PTPN5: variants seen among roughly 807,000 people sequenced by gnomAD.
PTPN5 encodes protein tyrosine phosphatase non-receptor type 5.
PTPN5 carries 29 observed loss-of-function variants against 73.9 expected under a neutral mutation model. The observed-to-expected ratio is 0.39, with a 90% confidence interval of 0.29 to 0.54. PTPN5 has a LOEUF of 0.54. Ranked by LOEUF, PTPN5 falls within the 20% of genes least tolerant of loss-of-function variation. The probability of loss-of-function intolerance (pLI) is 0.65; values close to 1 mark genes in which losing one functional copy is unlikely to be tolerated. For missense variants in PTPN5, 652 were observed against 751.4 expected, an observed-to-expected ratio of 0.87 and a Z score of 1.55; for synonymous variants, 267 against 304.7, an observed-to-expected ratio of 0.88 and a Z score of 1.29.
At position 18,742,878 on chromosome 11, in the gene PTPN5, C is replaced by T. The variant is rs1459472377; in HGVS notation, c.483+114G>A. On this transcript the variant is annotated intron_variant, in intron 6 of 14. Coordinates refer to ENST00000358540, the MANE Select transcript of PTPN5 (RefSeq NM_006906.2). This position sits in a 1 kb window ranked among gnomAD's most constrained non-coding sequence, Gnocchi z 4.1. ...ACACTTGTGCAAAGAGATAGGTATC[C>T]CTCCTTGCCCCACCCAGAATGTCCA... 1.3e-6 allele frequency: 1 copy of T among 755,896 alleles called. No individual in the cohort carries two copies. The highest frequency in any genetic ancestry group is 2.2e-6 in the Non-Finnish European group (1 of 449,876). 46.8% of individuals were successfully genotyped at this position (755,896 alleles called of 1,614,324 possible). A position where few individuals can be genotyped will look rare whatever the true frequency, so the allele number is the denominator to read the frequency against.
intron 2 of PTPN5, among the ~76,000 whole-genome samples, chr11:18,771,623 A>C (rs1396078742): frequency 6.6e-6 from 1 of 152,198 alleles, no homozygotes; most frequent in African/African-American, 2.4e-5. Flanking sequence ...TGTACACCTT[A>C]AAGGCCAAAT....
chr11:18,748,992 C>T (rs1029061194), intron 3 of PTPN5, among the ~76,000 whole-genome samples: 2 of 152,156 alleles, frequency 1.3e-5, no homozygotes, highest in African/African-American at 4.8e-5. Context: ...CCTTTCCCTG[C>T]CCTCTCCTTT....
At chr11:18,737,506 CA>C (rs112202269) in intron 9 of PTPN5, among the ~76,000 whole-genome samples, 4,545 of 152,280 alleles carry the variant, frequency 0.03, 231 homozygotes, top group African/African-American at 0.1. Context: ...TGTGGGACTG[CA>C]GGTGAGCCAC....
Position 18,753,658 on chromosome 11 carries a change from G to A in PTPN5, c.98-9459C>T, listed in dbSNP as rs1331034643. On this transcript the variant is annotated intron_variant, in intron 3 of 14. Coordinates refer to ENST00000358540, the MANE Select transcript of PTPN5 (RefSeq NM_006906.2). ...GAAAAGTCTGGAAACTGGTGGTTCT[G>A]CCCTAGGATGTTAATGTCAAGGAAA... 2.6e-5 allele frequency among the ~76,000 whole-genome samples: 4 copies of A among 152,172 alleles called. No homozygotes were observed. The South Asian group carries it at 8.3e-4, about 32-fold the overall frequency.
intron 9 of PTPN5, among the ~76,000 whole-genome samples, chr11:18,736,564 C>T (rs1249573233): frequency 6.6e-6 from 1 of 152,178 alleles, no homozygotes; most frequent in Non-Finnish European, 1.5e-5. Flanking sequence ...GAGAACAAAC[C>T]TCAGCGCGTC....
chr11:18,782,005 C>T (rs1373036224), intron 1 of PTPN5, among the ~76,000 whole-genome samples: 5 of 152,322 alleles, frequency 3.3e-5, no homozygotes, highest in South Asian at 2.1e-4. Context: ...GCCAGGCAGA[C>T]GAGGCAGCTC....
At chr11:18,785,443 C>T (rs2134369197) in intron 1 of PTPN5, among the ~76,000 whole-genome samples, 1 of 152,292 alleles carries the variant, frequency 6.6e-6, no homozygotes, top group Non-Finnish European at 1.5e-5. Context: ...CTAATTTCAA[C>T]TATTACAAAA....
In PTPN5 at chr11:18,740,718, A is replaced by G. The variant is rs775924277; in HGVS notation, c.800T>C (p.Met267Thr). 4 of 1,605,880 alleles carry G rather than the reference A, an allele frequency of 2.5e-6. No homozygotes were observed. Among genetic ancestry groups the G allele is most frequent in the South Asian group, 2.2e-5 (2 of 89,836 alleles). ...GCNEEGFGYL[M>T]SPREESAREY... ...GCGGGCGGACTCCTCACGTGGGGACATGAGATAGCCAAAGCCCTCCTCGTT... is the reference window on the plus strand; with the variant it reads ...GCGGGCGGACTCCTCACGTGGGGACGTGAGATAGCCAAAGCCCTCCTCGTT... The change falls in exon 8 of 15, where the codon ATG (methionine) becomes ACG (threonine). Residue 267 changes from methionine to threonine, a missense_variant. By Grantham distance (81) the Met-to-Thr change is moderately conservative. Around this residue, in one of 3 missense-constraint regions of PTPN5, gnomAD observed 529 missense variants for 573.9 expected, o/e 0.92. Coordinates refer to ENST00000358540, the MANE Select transcript of PTPN5 (RefSeq NM_006906.2).
At chr11:18,770,023 GCTGGGTAGGT>G (rs1850808120) in intron 2 of PTPN5, among the ~76,000 whole-genome samples, 2 of 152,234 alleles carry the variant, frequency 1.3e-5, no homozygotes, top group South Asian at 4.1e-4. Flanking sequence ...ACCTGGTCTG[GCTGGGTAGGT>G]CTGTAACACG....
chr11:18,760,479 G>A (rs1850338364), intron 3 of PTPN5, among the ~76,000 whole-genome samples: 1 of 152,214 alleles, frequency 6.6e-6, no homozygotes. Context: ...ATACAGAGCA[G>A]AGTGCCTAGG....
rs568184270 is a variant in PTPN5 at position 18,774,455 on chromosome 11, T to TGTGGTCTG, written c.-113-2392_-113-2385dup. 2.9e-3 allele frequency among the ~76,000 whole-genome samples: 448 copies of TGTGGTCTG among 152,352 alleles called. 2 individuals are homozygous for TGTGGTCTG. Among genetic ancestry groups the TGTGGTCTG allele is most frequent in the African/African-American group, 9.9e-3 (413 of 41,582 alleles). ...AGGCGTTGCTGGGCCTGCAGGTGTC[T>TGTGGTCTG]GTGGTCTGGTCCAAAGGTCCAGTAT... On this transcript the variant is annotated intron_variant, in intron 1 of 14. Transcript: ENST00000358540.
intron 9 of PTPN5, among the ~76,000 whole-genome samples, chr11:18,736,983 C>T (rs1244034155): frequency 1.3e-5 from 2 of 152,196 alleles, no homozygotes; most frequent in African/African-American, 4.8e-5. Context: ...ATAGCAACTA[C>T]AAGTCGATAT....
At chr11:18,743,970 C>T (rs531828181) in intron 4 of PTPN5, 36 bp downstream of exon 4, 2 of 1,520,558 alleles carry the variant, frequency 1.3e-6, no homozygotes, top group Admixed American at 2.4e-5. Context: ...CACCCACCCT[C>T]TCTCCAGACC....
At chr11:18,764,065 A>G (rs1363530705) in intron 3 of PTPN5, among the ~76,000 whole-genome samples, 1 of 152,192 alleles carries the variant, frequency 6.6e-6, no homozygotes, top group African/African-American at 2.4e-5. Flanking sequence ...TGAATCACAG[A>G]ACTGTTTAAT....
At position 18,772,149 on chromosome 11, in the gene PTPN5, T is replaced by G. The variant is rs1404211027; in HGVS notation, c.-113-78A>C. The stretch of plus-strand genomic sequence containing the variant: ...GTGCCAACAATTTGCTTTCAGGTAG[T>G]TAAAATCCTGATTTCCTTCTGGGAG... On this transcript the variant is annotated intron_variant, in intron 1 of 14. Coordinates refer to ENST00000358540, the MANE Select transcript of PTPN5 (RefSeq NM_006906.2). 7 of 537,656 alleles carry G rather than the reference T, an allele frequency of 1.3e-5. No individual in the cohort carries two copies. In the East Asian group the frequency reaches 2.4e-4, roughly 19 times the overall value. 33.3% of individuals were successfully genotyped at this position (537,656 alleles called of 1,614,324 possible).
chr11:18,762,386 C>T (rs1850438086), intron 3 of PTPN5, among the ~76,000 whole-genome samples: 1 of 152,132 alleles, frequency 6.6e-6, no homozygotes, highest in Non-Finnish European at 1.5e-5. Context: ...AGGCCTAACA[C>T]TCCAACTCTC....
intron 3 of PTPN5, among the ~76,000 whole-genome samples, chr11:18,745,511 C>G (rs1849577481): frequency 6.6e-6 from 1 of 152,152 alleles, no homozygotes; most frequent in African/African-American, 2.4e-5. Context: ...TTCTCTCTGC[C>G]TGGAACATCC....
chr11:18,783,765 G>T (rs781540748), intron 1 of PTPN5, among the ~76,000 whole-genome samples: 20 of 152,186 alleles, frequency 1.3e-4, no homozygotes, highest in Non-Finnish European at 1.9e-4. Context: ...TGCGGGCAGG[G>T]TCCTTGTGGT....
At chr11:18,768,868 T>C (rs1279782493) in intron 2 of PTPN5, among the ~76,000 whole-genome samples, 2 of 152,088 alleles carry the variant, frequency 1.3e-5, no homozygotes, top group African/African-American at 2.4e-5. Context: ...GGCGCTGCCT[T>C]CCTCCCTCCC....
Sources: allele counts gnomAD v4.1 joint callset (sites outside exome capture counted in the v4.1 genomes callset), GRCh38; gene constraint gnomAD v4.1.1; regional missense constraint gnomAD v4.1.1; non-coding constraint Gnocchi (gnomAD v3.1); transcripts MANE v1.5; gene names NCBI Gene and HGNC (gene_info 2026-07-23, HGNC 2026-07-21).